Variants in TP53AIP1 observed in about 807,000 individuals in gnomAD.
TP53AIP1 encodes the protein tumor protein p53 regulated apoptosis inducing protein 1, also known as p53-regulated apoptosis-inducing protein 1.
A neutral mutation model predicts 9.5 loss-of-function variants in TP53AIP1; 14 were observed. The ratio of observed to expected loss-of-function variants is 1.47; its 90% confidence interval spans 0.97 to 2.30. TP53AIP1 has a LOEUF of 2.30. Among genes scored for constraint, TP53AIP1 ranks in the 30% most tolerant of loss-of-function variants. The pLI is 0.00. For missense variants in TP53AIP1, 153 were observed against 146.7 expected (o/e 1.04, Z -0.22); for synonymous variants, 73 against 61.2 (o/e 1.19, Z -0.90).
At position 128,939,954 on chromosome 11, in the gene TP53AIP1, G is replaced by T. The variant is rs1944908950; in HGVS notation, c.-76-2060C>A. Among the ~76,000 whole-genome samples, 1 of 152,176 alleles carries T rather than the reference G, an allele frequency of 6.6e-6. No individual in the cohort carries two copies. Among genetic ancestry groups the T allele is most frequent in the African/African-American group, 2.4e-5 (1 of 41,422 alleles). On this transcript the variant is annotated intron_variant, in intron 1 of 3. Coordinates refer to ENST00000531399, the MANE Select transcript of TP53AIP1 (RefSeq NM_022112.3). This position sits in a 1 kb window ranked among gnomAD's most constrained non-coding sequence, Gnocchi z 4.1. ...GGGACTCAGGTTGCACACGGCCAGT[G>T]GTCCCGGGATATCCAGGGAGCCACT... is the stretch of plus-strand genomic sequence containing the variant.
At chr11:128,940,959 G>A (rs1301296568) in intron 1 of TP53AIP1, among the ~76,000 whole-genome samples, 1 of 152,196 alleles carries the variant, frequency 6.6e-6, no homozygotes, top group African/African-American at 2.4e-5. Context: ...CCCATCCAGA[G>A]ATCCCCCGAC....
chr11:128,940,649 T>C (rs1157936331), intron 1 of TP53AIP1, among the ~76,000 whole-genome samples: 3 of 152,222 alleles, frequency 2.0e-5, no homozygotes, highest in African/African-American at 7.2e-5. Context: ...TGTGGGAAGA[T>C]ACATTTCTGT....
chr11:128,936,983 G>A (rs373256677), intron 2 of TP53AIP1: 151 of 1,097,296 alleles, frequency 1.4e-4, no homozygotes, highest in South Asian at 8.9e-4. Context: ...CACCTCAGAC[G>A]CTGCGTGTGA....
chr11:128,934,993 G>A (rs758479807), downstream of TP53AIP1: 1 of 702,956 alleles, frequency 1.4e-6, no homozygotes, highest in Non-Finnish European at 2.6e-6. Context: ...TCAACTCCCA[G>A]AATTTCAGGA....
downstream of TP53AIP1, chr11:128,934,927 G>A: frequency 1.4e-6 from 1 of 696,112 alleles, no homozygotes. Context: ...CAGGGAAGCT[G>A]GGGGATTTAC....
At position 128,937,600 on chromosome 11, in the gene TP53AIP1, G is replaced by A. The variant is rs146001145; in HGVS notation, c.141+78C>T. On this transcript the variant is annotated intron_variant, in intron 2 of 3. Transcript: ENST00000531399. The surrounding 1 kb of genome is among the most constrained non-coding windows in gnomAD (Gnocchi z 4.8). ...GGTGAGTCTGAAAACTTGGGATGTC[G>A]GCACCACGGTGAGAGCAGAGTCTGC... The A allele has an allele frequency of 1.0e-4, 166 of 1,613,984 alleles. No homozygotes were observed. The highest frequency in any genetic ancestry group is 1.3e-4 in the Non-Finnish European group (153 of 1,180,034).
intron 2 of TP53AIP1, chr11:128,936,975 C>T: frequency 9.0e-7 from 1 of 1,110,206 alleles, no homozygotes; most frequent in Non-Finnish European, 1.1e-6. Context: ...GGGCCCTGCA[C>T]CTCAGACGCT....
At chr11:128,941,391 G>A (rs973513911) in intron 1 of TP53AIP1, among the ~76,000 whole-genome samples, 9 of 152,196 alleles carry the variant, frequency 5.9e-5, no homozygotes, top group Non-Finnish European at 8.8e-5. Flanking sequence ...CCTCCCTCTG[G>A]GCCCCCACAC....
At chr11:128,938,718 C>T (rs925796911) in intron 1 of TP53AIP1, among the ~76,000 whole-genome samples, 2 of 152,288 alleles carry the variant, frequency 1.3e-5, no homozygotes, top group South Asian at 2.1e-4. Flanking sequence ...TGGCAGGCCC[C>T]GTCCTTGACA....
intron 3 of TP53AIP1, chr11:128,936,179 T>A (rs915128374): frequency 1.9e-6 from 2 of 1,054,778 alleles, no homozygotes; most frequent in African/African-American, 3.4e-5. Context: ...CCTGGCTCCA[T>A]GCTCTCAACA....
intron 3 of TP53AIP1, 163 bp downstream of exon 3, chr11:128,936,375 G>C: frequency 1.2e-5 from 17 of 1,414,700 alleles, no homozygotes; most frequent in Non-Finnish European, 1.6e-5. Context: ...ATCCACAGCA[G>C]TTTACAACTC....
rs1000012854 is a variant in TP53AIP1 at position 128,937,139 on chromosome 11, C to T, written c.142-490G>A. 1 of 1,079,650 alleles carries T rather than the reference C, an allele frequency of 9.3e-7. No individual in the cohort carries two copies. The highest frequency in any genetic ancestry group is 1.1e-6 in the Non-Finnish European group (1 of 889,828). 66.9% of individuals were successfully genotyped at this position (1,079,650 alleles called of 1,614,324 possible). A position where few individuals can be genotyped will look rare whatever the true frequency, so the allele number is the denominator to read the frequency against. On this transcript the variant is annotated intron_variant, in intron 2 of 3. Transcript: ENST00000531399. The surrounding 1 kb of genome is among the most constrained non-coding windows in gnomAD (Gnocchi z 4.8). ...TGAATGCATGGCCCCTGCATCCTTA[C>T]CCCCTCCTCAGAGCCCACAAGCTTC... is the stretch of plus-strand genomic sequence containing the variant.
At chr11:128,941,388 C>T (rs185610876) in intron 1 of TP53AIP1, among the ~76,000 whole-genome samples, 9 of 152,336 alleles carry the variant, frequency 5.9e-5, no homozygotes, top group Non-Finnish European at 8.8e-5. Context: ...ATCCCTCCCT[C>T]TGGGCCCCCA....
At chr11:128,942,416 C>G (rs1019097550) in intron 1 of TP53AIP1, among the ~76,000 whole-genome samples, 2 of 152,206 alleles carry the variant, frequency 1.3e-5, no homozygotes, top group African/African-American at 4.8e-5. Flanking sequence ...GCTCAGCGGT[C>G]GGCTAGCTGT....
chr11:128,938,544 T>C (rs1944879751), intron 1 of TP53AIP1, among the ~76,000 whole-genome samples: 1 of 152,198 alleles, frequency 6.6e-6, no homozygotes, highest in Non-Finnish European at 1.5e-5. Context: ...CCCATAGTCC[T>C]GTGTCATCTG....
At position 128,935,659 on chromosome 11, in the gene TP53AIP1, C is replaced by T. The variant is rs745416324; in HGVS notation, c.307G>A (p.Asp103Asn). 2.5e-6 allele frequency: 4 copies of T among 1,588,862 alleles called. No individual in the cohort carries two copies. The Admixed American group carries it at 6.8e-5, about 27-fold the overall frequency. Residue 103 changes from aspartate (D) to asparagine (N), a missense_variant, in exon 4 of 4, where the codon GAC becomes AAC. By Grantham distance (23) the Asp-to-Asn change is conservative. Coordinates refer to ENST00000531399, the MANE Select transcript of TP53AIP1 (RefSeq NM_022112.3). ...PFLPGATVLR[D>N]RPLGSAFELS... ...TCAAATGCTGACCCCAGTGGCCTGT[C>T]TCTAAGCACTGTGGCTCCAGGAAGG...
downstream of TP53AIP1, chr11:128,934,918 A>C (rs2136015122): frequency 1.4e-6 from 1 of 693,698 alleles, no homozygotes; most frequent in East Asian, 2.7e-5. Flanking sequence ...CAGCCCACCC[A>C]GGGAAGCTGG....
At chr11:128,935,122 C>T, downstream of TP53AIP1, 1 of 717,612 alleles carries the variant, frequency 1.4e-6, no homozygotes, top group Admixed American at 2.0e-5. Flanking sequence ...TGACTGTCCA[C>T]TGCAGCTGGG....
At position 128,937,752 on chromosome 11, in the gene TP53AIP1, C is replaced by T. The variant is rs201878956; in HGVS notation, c.67G>A (p.Gly23Ser). The T allele has an allele frequency of 6.2e-7, 1 of 1,614,022 alleles. No homozygotes were observed. Among genetic ancestry groups the T allele is most frequent in the Non-Finnish European group, 8.5e-7 (1 of 1,179,990 alleles). ...AGGTTCTGGTCTCCCCTGCCCAGGC[C>T]CTGCCTCCTGGCCCCACTGCAGGAA... ...QASCSGARRQ[G>S]LGRGDQNLSV... Residue 23 changes from glycine (G) to serine (S), a missense_variant, in exon 2 of 4, where the codon GGC becomes AGC. Gly to Ser is a moderately conservative substitution (Grantham distance 56). Transcript: ENST00000531399. This position sits in a 1 kb window ranked among gnomAD's most constrained non-coding sequence, Gnocchi z 4.8.
Sources: gnomAD v4.1 joint callset for allele counts (sites outside exome capture counted in the v4.1 genomes callset) on GRCh38, gnomAD v4.1.1 for gene constraint, Gnocchi (gnomAD v3.1) non-coding constraint, MANE v1.5 for transcripts, NCBI Gene and HGNC (gene_info 2026-07-23, HGNC 2026-07-21) for gene names.